Variants in SLC24A3 observed in about 807,000 individuals in gnomAD.
SLC24A3 encodes sodium/potassium/calcium exchanger 3.
Under a neutral mutation model 75.8 loss-of-function variants are expected in SLC24A3, and 28 were observed. The ratio of observed to expected loss-of-function variants is 0.37; its 90% CI spans 0.27 to 0.51. The LOEUF is 0.51. SLC24A3 is among the 20% of genes least tolerant of loss of function. The pLI, the probability that SLC24A3 is intolerant of heterozygous loss-of-function variation, is 0.94. For missense variants in SLC24A3, 663 were observed against 847.8 expected (o/e 0.78, Z 2.71); for synonymous variants, 372 against 334.1 (o/e 1.11, Z -1.24).
At chr20:19,594,930 A>C (rs1440947295) in intron 6 of SLC24A3, among the ~76,000 whole-genome samples, 2 of 152,204 alleles carry the variant, frequency 1.3e-5, no homozygotes, top group African/African-American at 4.8e-5. Context: ...CCGTGAAAAA[A>C]TATTAAGACA....
At chr20:19,497,387 T>C (rs555481347) in intron 2 of SLC24A3, among the ~76,000 whole-genome samples, 19 of 152,274 alleles carry the variant, frequency 1.2e-4, no homozygotes, top group African/African-American at 4.6e-4. Context: ...TCCCAGACGC[T>C]ATGTCCTCCG....
intron 3 of SLC24A3, among the ~76,000 whole-genome samples, chr20:19,515,816 C>G (rs977945387): frequency 6.6e-6 from 1 of 152,220 alleles, no homozygotes; most frequent in African/African-American, 2.4e-5. Context: ...TAAAGTCAAA[C>G]AGCCCCACTC....
intron 3 of SLC24A3, among the ~76,000 whole-genome samples, chr20:19,543,932 T>C (rs1269586838): frequency 6.6e-6 from 1 of 152,220 alleles, no homozygotes; most frequent in Non-Finnish European, 1.5e-5. Context: ...AACAGAATCC[T>C]GAGTGACTCC....
chr20:19,494,960 G>A (rs964926316), intron 2 of SLC24A3, among the ~76,000 whole-genome samples: 1 of 152,184 alleles, frequency 6.6e-6, no homozygotes, highest in Non-Finnish European at 1.5e-5. Flanking sequence ...AGAGAAACAG[G>A]ATCAGGCAGG....
At chr20:19,620,320 C>G (rs2031787088) in intron 6 of SLC24A3, among the ~76,000 whole-genome samples, 1 of 152,104 alleles carries the variant, frequency 6.6e-6, no homozygotes, top group African/African-American at 2.4e-5. Flanking sequence ...TGTTGTCAAT[C>G]TTTTTTGGGG....
At chr20:19,288,998 C>G (rs190466624) in intron 2 of SLC24A3, among the ~76,000 whole-genome samples, 1 of 152,300 alleles carries the variant, frequency 6.6e-6, no homozygotes, top group East Asian at 1.9e-4. Context: ...TTTGCTGCTG[C>G]CCCTGGTTCC....
chr20:19,578,600 G>A (rs905539064), intron 3 of SLC24A3, among the ~76,000 whole-genome samples: 1 of 151,996 alleles, frequency 6.6e-6, no homozygotes, highest in African/African-American at 2.4e-5. Flanking sequence ...TGGGTCATGT[G>A]TGTGCGCCCT....
At chr20:19,633,985 C>A (rs2072087796) in intron 6 of SLC24A3, among the ~76,000 whole-genome samples, 1 of 152,172 alleles carries the variant, frequency 6.6e-6, no homozygotes, top group African/African-American at 2.4e-5. Context: ...TCCCTCCCAC[C>A]TCTTTCTATA....
intron 2 of SLC24A3, among the ~76,000 whole-genome samples, chr20:19,491,635 C>G (rs1423218148): frequency 6.6e-6 from 1 of 152,176 alleles, no homozygotes; most frequent in Admixed American, 6.5e-5. Flanking sequence ...ATGTGTCAGA[C>G]ACCCCTGCCC....
At chr20:19,546,866 C>T (rs1329889974) in intron 3 of SLC24A3, among the ~76,000 whole-genome samples, 3 of 152,198 alleles carry the variant, frequency 2.0e-5, no homozygotes, top group African/African-American at 2.4e-5. Flanking sequence ...GCATCCCCCA[C>T]GCCTTCCCTT....
rs1262248183 is a variant in SLC24A3, at chr20:19,280,941, T to C, written c.143-18T>C. The C allele has an allele frequency of 6.2e-7, 1 of 1,612,154 alleles. No homozygotes were observed. Among genetic ancestry groups the C allele is most frequent in the Non-Finnish European group, 8.5e-7 (1 of 1,178,936 alleles). ...CCCAGCTGTGAATGATGTGTGGTTA[T>C]TGTCTTTGTCTCCCCAGAGCTTGAC... On this transcript the variant is annotated intron_variant, in intron 1 of 16. Coordinates refer to ENST00000328041, the MANE Select transcript of SLC24A3 (RefSeq NM_020689.4).
At chr20:19,688,886 A>G (rs1294751725) in intron 12 of SLC24A3, among the ~76,000 whole-genome samples, 1 of 129,870 alleles carries the variant, frequency 7.7e-6, no homozygotes, top group Non-Finnish European at 1.6e-5. Flanking sequence ...TGTACACTTA[A>G]TATATTGTAT....
Position 19,515,542 on chromosome 20 carries a change from C to G in SLC24A3, c.326C>G (p.Ala109Gly), listed in dbSNP as rs144636987. 1 of 1,613,988 alleles carries G rather than the reference C, an allele frequency of 6.2e-7. No individual in the cohort carries two copies. Among genetic ancestry groups the G allele is most frequent in the Non-Finnish European group, 8.5e-7 (1 of 1,180,000 alleles). ...IFTNEDRRQG[A>G]VVLHVLCAIY... The stretch of plus-strand genomic sequence containing the variant: ...ACAAACGAGGATAGAAGACAAGGTG[C>G]GGTGGTCCTCCATGTGCTCTGTGTA... The change falls in exon 3 of 17, where the codon GCG (alanine) becomes GGG (glycine). Residue 109 changes from alanine (A) to glycine (G), a missense_variant. Physicochemically the swap from Ala to Gly is moderately conservative, Grantham distance 60. This residue lies in a region of SLC24A3 where 510 missense variants were observed against 703.6 expected (regional missense o/e 0.72). Coordinates refer to ENST00000328041, the MANE Select transcript of SLC24A3 (RefSeq NM_020689.4).
At chr20:19,520,339 G>C (rs928513002) in intron 3 of SLC24A3, among the ~76,000 whole-genome samples, 1 of 152,212 alleles carries the variant, frequency 6.6e-6, no homozygotes, top group Non-Finnish European at 1.5e-5. Context: ...TCCCTCCACT[G>C]AGCTGTTGGA....
intron 6 of SLC24A3, among the ~76,000 whole-genome samples, chr20:19,609,714 T>C (rs986939684): frequency 5.9e-5 from 9 of 152,270 alleles, no homozygotes; most frequent in Non-Finnish European, 1.0e-4. Context: ...TCTTTACTTA[T>C]GCAACTTATT....
At chr20:19,468,002 A>G (rs1987797758) in intron 2 of SLC24A3, among the ~76,000 whole-genome samples, 1 of 152,142 alleles carries the variant, frequency 6.6e-6, no homozygotes, top group South Asian at 2.1e-4. Context: ...CTTCCATAGG[A>G]AAGAGTGGTC....
At chr20:19,415,437 G>A (rs549627917) in intron 2 of SLC24A3, among the ~76,000 whole-genome samples, 23 of 152,072 alleles carry the variant, frequency 1.5e-4, no homozygotes, top group Non-Finnish European at 2.5e-4. Context: ...CCACTCTCCC[G>A]CATGTCTATA....
At chr20:19,429,583 G>A (rs527594714) in intron 2 of SLC24A3, among the ~76,000 whole-genome samples, 2 of 152,314 alleles carry the variant, frequency 1.3e-5, no homozygotes, top group African/African-American at 4.8e-5. Flanking sequence ...GACGATGAGA[G>A]TTAGACTTGA....
chr20:19,367,490 CT>C (rs11462699), intron 2 of SLC24A3, among the ~76,000 whole-genome samples: 61 of 148,040 alleles, frequency 4.1e-4, no homozygotes, highest in East Asian at 5.9e-4. Flanking sequence ...GAAGCCCTGC[CT>C]TTTTTTTTTT....
Sources: allele counts gnomAD v4.1 joint callset (sites outside exome capture counted in the v4.1 genomes callset), GRCh38; gene constraint gnomAD v4.1.1; regional missense constraint gnomAD v4.1.1; transcripts MANE v1.5; gene names NCBI Gene and HGNC (gene_info 2026-07-23, HGNC 2026-07-21).